The following STARD13 variants were observed in gnomAD, a reference collection of about 807,000 sequenced individuals.
STARD13 encodes the protein stAR-related lipid transfer protein 13.
In STARD13, 62 loss-of-function variants were observed where a neutral mutation model predicts 106.4. The observed-to-expected ratio is 0.58, with a 90% CI of 0.48 to 0.72. The LOEUF is 0.72. Among genes scored for constraint, STARD13 ranks in the 30% least tolerant of loss-of-function variants. The pLI is 0.00. For missense variants in STARD13, 1,387 were observed against 1,424.0 expected (o/e 0.97, Z 0.42); for synonymous variants, 565 against 553.0 (o/e 1.02, Z -0.31).
At chr13:33,336,757 G>GAAAAGA in intron 1 of STARD13, 1 of 113,572 alleles carries the variant, frequency 8.8e-6, no homozygotes, top group Admixed American at 1.0e-4. Flanking sequence ...CCCTGTATCA[G>GAAAAGA]AAAAAAAAAA....
intron 1 of STARD13, among the ~76,000 whole-genome samples, chr13:33,328,112 A>G (rs1033808150): frequency 2.6e-5 from 4 of 152,248 alleles, no homozygotes; most frequent in African/African-American, 9.6e-5. Context: ...TTCTTGAATT[A>G]ATATACTTGA....
intron 1 of STARD13, among the ~76,000 whole-genome samples, chr13:33,235,530 G>T (rs1449484741): frequency 1.3e-5 from 2 of 152,148 alleles, no homozygotes; most frequent in African/African-American, 4.8e-5. Flanking sequence ...CTGCTAAGTT[G>T]TTAGGACATA....
chr13:33,424,811 T>C, the STARD13 span, among the ~76,000 whole-genome samples: 2 of 152,194 alleles, frequency 1.3e-5, no homozygotes, highest in Non-Finnish European at 2.9e-5. Context: ...ATTCATCTTG[T>C]AACTTATTAG....
the STARD13 span, among the ~76,000 whole-genome samples, chr13:33,465,864 A>G: frequency 1.3e-5 from 2 of 152,218 alleles, no homozygotes; most frequent in African/African-American, 4.8e-5. Context: ...CCTTAGAAAT[A>G]TGCTATCTCA....
chr13:33,561,239 T>TAA, the STARD13 span, among the ~76,000 whole-genome samples: 3 of 150,186 alleles, frequency 2.0e-5, no homozygotes, highest in African/African-American at 7.4e-5. Flanking sequence ...TGATTTTGGT[T>TAA]AAAAAAAAAG....
Position 33,285,456 on chromosome 13 carries a change from T to G in STARD13, c.169+14A>C, listed in dbSNP as rs1892007066. On this transcript the variant is annotated intron_variant, in intron 1 of 13. Coordinates refer to ENST00000336934, the MANE Select transcript of STARD13 (RefSeq NM_178006.4). ...ATCAGAATGAGCAACAGCCTTCCAC[T>G]GCCGGCCACTCACCTTGTTGAATTT... 1.2e-6 allele frequency: 2 copies of G among 1,610,008 alleles called. No individual in the cohort carries two copies. The highest frequency in any genetic ancestry group is 3.3e-5 in the Admixed American group (2 of 59,726).
the STARD13 span, among the ~76,000 whole-genome samples, chr13:33,644,618 G>A: frequency 9.9e-5 from 15 of 152,250 alleles, no homozygotes; most frequent in East Asian, 2.7e-3. Context: ...GAAAGAGAGG[G>A]GGAGGTCAGT....
intron 1 of STARD13, among the ~76,000 whole-genome samples, chr13:33,224,861 T>C (rs1888540342): frequency 1.3e-5 from 2 of 152,220 alleles, no homozygotes; most frequent in African/African-American, 4.8e-5. Context: ...CTCGTAACTA[T>C]GCTTTTCTAA....
chr13:33,238,447 T>C (rs1016742465), intron 1 of STARD13, among the ~76,000 whole-genome samples: 1 of 152,118 alleles, frequency 6.6e-6, no homozygotes, highest in Non-Finnish European at 1.5e-5. Context: ...AAGTGAGTGA[T>C]AAAAAAGTTT....
chr13:33,302,682 C>T (rs1463072488), intron 1 of STARD13, among the ~76,000 whole-genome samples: 4 of 152,206 alleles, frequency 2.6e-5, no homozygotes, highest in Admixed American at 6.5e-5. Context: ...GTTGGAATTA[C>T]GGGCATGAGT....
chr13:33,404,797 GAC>G, the STARD13 span, among the ~76,000 whole-genome samples: 3 of 132,922 alleles, frequency 2.3e-5, no homozygotes, highest in Non-Finnish European at 4.7e-5. Context: ...TTTTTTTTGA[GAC>G]AGAGTCTCAC....
the STARD13 span, among the ~76,000 whole-genome samples, chr13:33,378,797 C>CAAAAAAAAA: frequency 9.6e-6 from 1 of 104,674 alleles, no homozygotes. Context: ...CTCAAAAAAA[C>CAAAAAAAAA]AAAAAAAAAA....
At chr13:33,575,261 A>G in the STARD13 span, among the ~76,000 whole-genome samples, 1 of 152,144 alleles carries the variant, frequency 6.6e-6, no homozygotes, top group Admixed American at 6.6e-5. Flanking sequence ...CTAATATGTA[A>G]AAATGAACCC....
the STARD13 span, chr13:33,439,542 A>G: frequency 3.4e-6 from 1 of 292,754 alleles, no homozygotes; most frequent in South Asian, 3.3e-5. Flanking sequence ...ATGCAGGTCA[A>G]ATTCTGATTT....
At chr13:33,413,948 G>A in the STARD13 span, among the ~76,000 whole-genome samples, 8 of 148,068 alleles carry the variant, frequency 5.4e-5, no homozygotes, top group East Asian at 1.6e-3. Context: ...CAGGAGAATC[G>A]CTTGAACCTG....
rs77495484 is a variant in STARD13 at position 33,314,701 on chromosome 13, G to C, written c.124+35589C>G. Among the ~76,000 whole-genome samples the C allele has an allele frequency of 7.3e-3, 1,119 of 152,254 alleles. 13 individuals are homozygous for C. Among genetic ancestry groups the C allele is most frequent in the East Asian group, 0.031 (161 of 5,182 alleles). ...TCAGTATTATTATCCCTATGCTACA[G>C]ACAAAGAAATGACCAGAAAACTAAG... On this transcript the variant is annotated intron_variant, in intron 1 of 5. Transcript: ENST00000567873.
chr13:33,607,011 C>A, the STARD13 span, among the ~76,000 whole-genome samples: 3 of 152,074 alleles, frequency 2.0e-5, no homozygotes, highest in Non-Finnish European at 4.4e-5. Flanking sequence ...AGCCTTAATT[C>A]ATCTGCTACC....
chr13:33,308,606 C>G (rs868698328), intron 1 of STARD13, among the ~76,000 whole-genome samples: 42 of 146,518 alleles, frequency 2.9e-4, no homozygotes, highest in African/African-American at 2.7e-4. Flanking sequence ...TCACTGCAAC[C>G]CTTACCTCCT....
chr13:33,260,875 T>A (rs1457370408), intron 1 of STARD13, among the ~76,000 whole-genome samples: 1 of 152,232 alleles, frequency 6.6e-6, no homozygotes, highest in Non-Finnish European at 1.5e-5. Flanking sequence ...GGAAATCTGA[T>A]AAGTTCAAGA....
Sources: gnomAD v4.1 joint callset for allele counts (sites outside exome capture counted in the v4.1 genomes callset) on GRCh38, gnomAD v4.1.1 for gene constraint, MANE v1.5 for transcripts, NCBI Gene and HGNC (gene_info 2026-07-23, HGNC 2026-07-21) for gene names.